CDH13: variants seen among roughly 807,000 people sequenced by gnomAD.
CDH13 encodes the protein cadherin 13, also known as cadherin-13.
A neutral mutation model predicts 63.8 loss-of-function variants in CDH13; 24 were observed. The ratio of observed to expected loss-of-function variants is 0.38; its 90% confidence interval spans 0.27 to 0.53. The LOEUF (loss-of-function observed/expected upper bound fraction) is 0.53. Ranked by LOEUF, CDH13 falls within the 20% of genes least tolerant of loss-of-function variation. The probability of loss-of-function intolerance (pLI) is 0.85; values close to 1 mark genes in which losing one functional copy is unlikely to be tolerated. For missense variants in CDH13, 1,049 were observed against 903.1 expected, an observed-to-expected ratio of 1.16 and a Z score of -2.07; for synonymous variants, 503 against 355.3, an observed-to-expected ratio of 1.42 and a Z score of -4.67.
chr16:83,114,029 A>G (rs1271222347), intron 3 of CDH13, among the ~76,000 whole-genome samples: 1 of 152,176 alleles, frequency 6.6e-6, no homozygotes, highest in Non-Finnish European at 1.5e-5. Context: ...TTAACTCTCC[A>G]ATTTCAGACT....
At chr16:83,751,871 T>G (rs987425260) in intron 11 of CDH13, among the ~76,000 whole-genome samples, 1 of 152,182 alleles carries the variant, frequency 6.6e-6, no homozygotes, top group Non-Finnish European at 1.5e-5. Flanking sequence ...CCTTCTTGTT[T>G]TCGGAGGGTG....
chr16:83,762,976 G>T (rs1377649977), intron 11 of CDH13, among the ~76,000 whole-genome samples: 1 of 152,144 alleles, frequency 6.6e-6, no homozygotes, highest in Non-Finnish European at 1.5e-5. Flanking sequence ...TAAGGCTCAG[G>T]GCATATGAAA....
chr16:83,240,673 T>TA lies in CDH13; in HGVS notation c.636+23193dup, dbSNP rs55638991. Among the ~76,000 whole-genome samples, 494 of 125,042 alleles carry TA rather than the reference T, an allele frequency of 4.0e-3. 5 individuals are homozygous for TA. The highest frequency in any genetic ancestry group is 0.014 in the African/African-American group (444 of 32,338). 82.0% of individuals were successfully genotyped at this position (125,042 alleles called of 152,430 possible). A position where few individuals can be genotyped will look rare whatever the true frequency, so the allele number is the denominator to read the frequency against. On this transcript the variant is annotated intron_variant, in intron 5 of 13. Transcript: ENST00000567109. ...TAAATATTTCAACTTTTTTAAATAG[T>TA]AAAAAAAAAAAAAAAAACATGACTT...
intron 1 of CDH13, among the ~76,000 whole-genome samples, chr16:82,819,665 A>C (rs1327150495): frequency 6.6e-6 from 1 of 152,206 alleles, no homozygotes; most frequent in East Asian, 1.9e-4. Context: ...CTGGGCAGGG[A>C]CTGGAGAGCA....
At chr16:83,201,547 G>A (rs893222501) in intron 4 of CDH13, among the ~76,000 whole-genome samples, 1 of 152,086 alleles carries the variant, frequency 6.6e-6, no homozygotes, top group Non-Finnish European at 1.5e-5. Flanking sequence ...ACTGGGAAAG[G>A]GGGCTGGGAT....
At chr16:83,075,676 T>C (rs749964673) in intron 3 of CDH13, among the ~76,000 whole-genome samples, 2 of 152,208 alleles carry the variant, frequency 1.3e-5, no homozygotes, top group Non-Finnish European at 2.9e-5. Context: ...GCAAAGTAAT[T>C]ACAAGGAAAT....
chr16:83,305,769 A>T (rs974456652), intron 5 of CDH13, among the ~76,000 whole-genome samples: 1 of 152,190 alleles, frequency 6.6e-6, no homozygotes, highest in African/African-American at 2.4e-5. Flanking sequence ...TTACCTTAGG[A>T]TGTTGGTGAA....
chr16:83,582,817 G>A (rs1006493133), intron 7 of CDH13, among the ~76,000 whole-genome samples: 4 of 152,318 alleles, frequency 2.6e-5, no homozygotes, highest in Admixed American at 2.0e-4. Context: ...CCGATCAACC[G>A]TGTTGGCCCA....
intron 1 of CDH13, among the ~76,000 whole-genome samples, chr16:82,648,634 A>G (rs1286869010): frequency 1.3e-5 from 2 of 152,226 alleles, no homozygotes; most frequent in African/African-American, 4.8e-5. Flanking sequence ...GAATTTATCA[A>G]AATCCTAACT....
intron 11 of CDH13, among the ~76,000 whole-genome samples, chr16:83,754,438 C>G (rs760860803): frequency 6.6e-6 from 1 of 152,132 alleles, no homozygotes; most frequent in Non-Finnish European, 1.5e-5. Flanking sequence ...TGCGGCCTGA[C>G]CCTTTTCAAG....
chr16:83,130,157 A>G (rs1484897479), intron 4 of CDH13, among the ~76,000 whole-genome samples: 3 of 152,248 alleles, frequency 2.0e-5, no homozygotes, highest in Non-Finnish European at 4.4e-5. Context: ...TGACAATATC[A>G]GCACATAGTC....
intron 1 of CDH13, among the ~76,000 whole-genome samples, chr16:82,846,284 C>T (rs994454581): frequency 3.9e-5 from 6 of 152,028 alleles, no homozygotes; most frequent in Non-Finnish European, 7.4e-5. Context: ...GTTGTTCCTT[C>T]TTCTTTATTT....
intron 5 of CDH13, among the ~76,000 whole-genome samples, chr16:83,333,181 C>T (rs763923294): frequency 4.6e-5 from 7 of 151,998 alleles, no homozygotes; most frequent in Non-Finnish European, 7.4e-5. Flanking sequence ...GGAGTTGGTC[C>T]GTAATGACAT....
chr16:82,660,839 A>T (rs1911855688), intron 1 of CDH13, among the ~76,000 whole-genome samples: 1 of 152,168 alleles, frequency 6.6e-6, no homozygotes, highest in African/African-American at 2.4e-5. Flanking sequence ...TGTTCCGGCA[A>T]TACAAGTAAA....
At chr16:83,647,312 C>CA (rs772041222) in intron 8 of CDH13, among the ~76,000 whole-genome samples, 1,537 of 86,194 alleles carry the variant, frequency 0.018, 25 homozygotes, top group African/African-American at 0.039. Flanking sequence ...GACTCTGTCT[C>CA]AAAAAAAAAA....
Position 82,950,711 on chromosome 16 carries a change from C to G in CDH13, c.158-81299C>G, listed in dbSNP as rs188866793. On this transcript the variant is annotated intron_variant, in intron 2 of 13. Transcript: ENST00000567109. ...GGACTAATACAGGATACCAGTGATACTGGATTAAGGTCTACCCATGACTTT... is the reference window on the plus strand; with the variant it reads ...GGACTAATACAGGATACCAGTGATAGTGGATTAAGGTCTACCCATGACTTT... Among the ~76,000 whole-genome samples, 485 of 152,072 alleles carry G rather than the reference C, an allele frequency of 3.2e-3. 2 individuals carry two copies. Among genetic ancestry groups the G allele is most frequent in the Non-Finnish European group, 3.5e-3 (237 of 67,990 alleles).
chr16:82,788,457 G>A (rs776464733), intron 1 of CDH13, among the ~76,000 whole-genome samples: 1 of 151,942 alleles, frequency 6.6e-6, no homozygotes, highest in Non-Finnish European at 1.5e-5. Context: ...GCATTTTCCA[G>A]CGTCACTCTC....
At chr16:83,627,195 C>T (rs1910389114) in intron 8 of CDH13, among the ~76,000 whole-genome samples, 1 of 151,432 alleles carries the variant, frequency 6.6e-6, no homozygotes, top group South Asian at 2.1e-4. Flanking sequence ...GGGGCTGAGG[C>T]AGGAGAATTG....
chr16:82,681,006 A>G (rs142610551), intron 1 of CDH13, among the ~76,000 whole-genome samples: 2,940 of 152,332 alleles, frequency 0.019, 42 homozygotes, highest in Non-Finnish European at 0.026. Context: ...CTGCCTACAA[A>G]GGCCAGTGTC....
Sources: gnomAD v4.1 joint callset for allele counts (sites outside exome capture counted in the v4.1 genomes callset) on GRCh38, gnomAD v4.1.1 for gene constraint, MANE v1.5 for transcripts, NCBI Gene and HGNC (gene_info 2026-07-23, HGNC 2026-07-21) for gene names.